ATG7: variants seen among roughly 807,000 people sequenced by gnomAD.
The protein encoded by ATG7 is autophagy related 7, also known as ubiquitin-like modifier-activating enzyme ATG7.
ATG7 carries 70 observed loss-of-function variants against 82.4 expected under a neutral mutation model. The observed-to-expected ratio is 0.85, with a 90% CI of 0.70 to 1.04. ATG7 has a LOEUF of 1.04. ATG7 is among the 50% of genes least tolerant of loss of function. The pLI is 0.00. For synonymous variants in ATG7, 287 were observed against 313.0 expected (o/e 0.92, Z 0.88); for missense variants, 792 against 864.3 (o/e 0.92, Z 1.05).
chr3:11,487,078 C>T (rs993443034), intron 20 of ATG7, among the ~76,000 whole-genome samples: 14 of 150,404 alleles, frequency 9.3e-5, no homozygotes, highest in African/African-American at 2.7e-4. Context: ...TAACAAAGCA[C>T]ATCTTGCACC....
At chr3:11,415,397 A>G (rs1442999522) in intron 19 of ATG7, among the ~76,000 whole-genome samples, 1 of 152,170 alleles carries the variant, frequency 6.6e-6, no homozygotes, top group Admixed American at 6.6e-5. Context: ...GTAATAAATT[A>G]CCTTTAGCTT....
chr3:11,290,170 C>G (rs1420201263), intron 3 of ATG7, among the ~76,000 whole-genome samples: 1 of 152,220 alleles, frequency 6.6e-6, no homozygotes, highest in Non-Finnish European at 1.5e-5. Flanking sequence ...TAAAAACTCT[C>G]TCATGAACAA....
At chr3:11,500,404 C>CA (rs1388016975) in intron 20 of ATG7, among the ~76,000 whole-genome samples, 4 of 151,226 alleles carry the variant, frequency 2.6e-5, no homozygotes, top group African/African-American at 7.3e-5. Flanking sequence ...CAGTAAATGC[C>CA]AAAAAAATAG....
chr3:11,482,677 A>T (rs1235090514), intron 20 of ATG7, among the ~76,000 whole-genome samples: 1 of 152,074 alleles, frequency 6.6e-6, no homozygotes, highest in African/African-American at 2.4e-5. Context: ...TATCTTATAA[A>T]CATCTGAGTG....
the ATG7 span, among the ~76,000 whole-genome samples, chr3:11,563,888 C>A: frequency 6.6e-6 from 1 of 152,218 alleles, no homozygotes; most frequent in Non-Finnish European, 1.5e-5. Context: ...CTCCCAGGGC[C>A]TACCCCACCC....
At chr3:11,292,124 A>G (rs1050859997) in intron 3 of ATG7, among the ~76,000 whole-genome samples, 3 of 152,206 alleles carry the variant, frequency 2.0e-5, no homozygotes, top group African/African-American at 7.2e-5. Flanking sequence ...AGGCAGACCT[A>G]GACAGGAAGC....
chr3:11,465,401 C>T (rs539931724), intron 20 of ATG7, among the ~76,000 whole-genome samples: 5 of 149,714 alleles, frequency 3.3e-5, no homozygotes, highest in Non-Finnish European at 7.4e-5. Context: ...GCCAAGATCA[C>T]GCCACTGCAC....
At chr3:11,450,336 G>T (rs2084988727) in intron 20 of ATG7, among the ~76,000 whole-genome samples, 1 of 152,162 alleles carries the variant, frequency 6.6e-6, no homozygotes, top group African/African-American at 2.4e-5. Context: ...CCTCTTCCCA[G>T]TGGCAGGCCT....
At chr3:11,407,122 A>G (rs1177699912) in intron 19 of ATG7, among the ~76,000 whole-genome samples, 1 of 152,214 alleles carries the variant, frequency 6.6e-6, no homozygotes, top group Non-Finnish European at 1.5e-5. Flanking sequence ...CCTAGATATA[A>G]TGGGGGTACA....
chr3:11,386,004 A>T (rs987018392), intron 19 of ATG7, among the ~76,000 whole-genome samples: 1 of 152,154 alleles, frequency 6.6e-6, no homozygotes, highest in African/African-American at 2.4e-5. Context: ...ACTCTTGCTC[A>T]CCTAGCACCG....
At chr3:11,369,247 A>G (rs1405072589) in intron 18 of ATG7, among the ~76,000 whole-genome samples, 1 of 151,184 alleles carries the variant, frequency 6.6e-6, no homozygotes, top group Non-Finnish European at 1.5e-5. Flanking sequence ...ATCTTAGCAG[A>G]TAAGCAATAA....
In ATG7 at chr3:11,538,088, C is replaced by T. The variant is rs117038402; in HGVS notation, c.2080-16723C>T. Among the ~76,000 whole-genome samples the T allele has an allele frequency of 1.9e-4, 29 of 149,846 alleles. No individual in the cohort carries two copies. The East Asian group carries it at 5.2e-3, about 27-fold the overall frequency. On this transcript the variant is annotated intron_variant, in intron 20 of 20. Transcript: ENST00000693202. Reference sequence around the variant, plus strand: ...CAGCTGGCTAGGAGATATGTGGACCCCAGGGCTGACAGATGTTCCTGAGGG... The same window carrying T: ...CAGCTGGCTAGGAGATATGTGGACCTCAGGGCTGACAGATGTTCCTGAGGG...
At chr3:11,511,636 G>A (rs1268665192) in intron 20 of ATG7, among the ~76,000 whole-genome samples, 5 of 152,258 alleles carry the variant, frequency 3.3e-5, no homozygotes, top group African/African-American at 7.2e-5. Flanking sequence ...ACTGGGCGCC[G>A]TGAGCAGGGG....
intron 3 of ATG7, among the ~76,000 whole-genome samples, chr3:11,282,718 C>T (rs1354039578): frequency 6.6e-6 from 1 of 152,212 alleles, no homozygotes; most frequent in Non-Finnish European, 1.5e-5. Flanking sequence ...AACTTTTTCC[C>T]TTCTTTTGGA....
intron 20 of ATG7, among the ~76,000 whole-genome samples, chr3:11,471,377 A>C (rs2087501527): frequency 6.6e-6 from 1 of 152,076 alleles, no homozygotes; most frequent in Admixed American, 6.6e-5. Context: ...CTGTCACCTG[A>C]ATTGTCATTA....
chr3:11,358,471 C>T lies in ATG7; in HGVS notation c.1338C>T (p.Phe446=). 4 of 1,614,088 alleles carry T rather than the reference C, an allele frequency of 2.5e-6. No individual in the cohort carries two copies. Among genetic ancestry groups the T allele is most frequent in the Non-Finnish European group, 3.4e-6 (4 of 1,179,988 alleles). The change falls in exon 15 of 21, where the codon TTC becomes TTT. Residue 446 remains phenylalanine (F), a synonymous_variant. Coordinates refer to ENST00000693202, the MANE Select transcript of ATG7 (RefSeq NM_001349232.2). ...SIPMPGHPVN[F]SSVTLEQARR... ...CTATGCCTGGGCATCCAGTGAACTT[C>T]TCCAGTGTCACTCTGGAGCAAGCCC... is the stretch of plus-strand genomic sequence containing the variant.
chr3:11,485,766 C>T (rs6809611), intron 20 of ATG7, among the ~76,000 whole-genome samples: 79,049 of 151,980 alleles, frequency 0.52, 21,489 homozygotes, highest in East Asian at 0.66. Flanking sequence ...GTATGGCTAG[C>T]CAGTTTTCCC....
At chr3:11,458,122 T>TG (rs2085927752) in intron 20 of ATG7, among the ~76,000 whole-genome samples, 1 of 152,152 alleles carries the variant, frequency 6.6e-6, no homozygotes, top group Admixed American at 6.5e-5. Flanking sequence ...CCCTCTGTTT[T>TG]GCTACAACAA....
chr3:11,305,512 C>A (rs1428914031), intron 5 of ATG7, among the ~76,000 whole-genome samples: 2 of 152,230 alleles, frequency 1.3e-5, no homozygotes, highest in Non-Finnish European at 2.9e-5. Flanking sequence ...AAAGCCAAGT[C>A]TGAATGTAGA....
Sources: allele counts gnomAD v4.1 joint callset (sites outside exome capture counted in the v4.1 genomes callset), GRCh38; gene constraint gnomAD v4.1.1; transcripts MANE v1.5; gene names NCBI Gene and HGNC (gene_info 2026-07-23, HGNC 2026-07-21).